EFNA5: variants seen among roughly 807,000 people sequenced by gnomAD.
The protein encoded by EFNA5 is ephrin A5, also known as ephrin-A5.
In EFNA5, 5 loss-of-function variants were observed where a neutral mutation model predicts 22.9. The observed-to-expected ratio is 0.22, with a 90% CI of 0.11 to 0.46. The LOEUF is 0.46. Among genes scored for constraint, EFNA5 ranks in the 20% least tolerant of loss-of-function variants. The probability of loss-of-function intolerance (pLI) is 0.99; values close to 1 mark genes in which losing one functional copy is unlikely to be tolerated. For missense variants in EFNA5, 237 were observed against 293.3 expected, an observed-to-expected ratio of 0.81 and a Z score of 1.40; for synonymous variants, 113 against 112.2, an observed-to-expected ratio of 1.01 and a Z score of -0.04.
chr5:107,529,560 A>G (rs1747766920), intron 1 of EFNA5, among the ~76,000 whole-genome samples: 1 of 152,210 alleles, frequency 6.6e-6, no homozygotes, highest in African/African-American at 2.4e-5. Flanking sequence ...CATGGAGGCA[A>G]CAGATGGATT....
At chr5:107,647,841 C>T (rs1008071756) in intron 1 of EFNA5, among the ~76,000 whole-genome samples, 2 of 152,178 alleles carry the variant, frequency 1.3e-5, no homozygotes, top group East Asian at 1.9e-4. Flanking sequence ...GTCCAATTTA[C>T]CCATGAAACT....
rs780608946 is a variant in EFNA5 at position 107,427,364 on chromosome 5, C to T, written c.271G>A (p.Asp91Asn). Reference protein sequence around the residue: ...MVNFDGYSACDHTSKGFKRWE... With the variant: ...MVNFDGYSACNHTSKGFKRWE... ...CTCTTGAACCCTTTGGAAGTGTGGT[C>T]GCAGGCACTGTAGCCATCAAAGTTC... Residue 91 changes from aspartate to asparagine, a missense_variant, in exon 2 of 5, where the codon GAC (aspartate) becomes AAC (asparagine). By Grantham distance (23) the Asp-to-Asn change is conservative (BLOSUM62 1). Coordinates refer to ENST00000333274, the MANE Select transcript of EFNA5 (RefSeq NM_001962.3). 8 of 1,614,002 alleles carry T rather than the reference C, an allele frequency of 5.0e-6. No homozygotes were observed. Among genetic ancestry groups the T allele is most frequent in the South Asian group, 1.1e-5 (1 of 91,076 alleles).
At chr5:107,498,649 G>C (rs1580496483) in intron 1 of EFNA5, among the ~76,000 whole-genome samples, 1 of 152,174 alleles carries the variant, frequency 6.6e-6, no homozygotes, top group Non-Finnish European at 1.5e-5. Context: ...TCAGAATTTT[G>C]AGACAGTGAC....
At chr5:107,516,970 G>T (rs995000386) in intron 1 of EFNA5, among the ~76,000 whole-genome samples, 1 of 152,022 alleles carries the variant, frequency 6.6e-6, no homozygotes, top group African/African-American at 2.4e-5. Context: ...TAGATGACAG[G>T]CTATCTAGGG....
At chr5:107,455,760 G>T (rs1749683981) in intron 1 of EFNA5, among the ~76,000 whole-genome samples, 1 of 152,150 alleles carries the variant, frequency 6.6e-6, no homozygotes, top group African/African-American at 2.4e-5. Context: ...TGCTCTTAAA[G>T]TTTATTGTTG....
intron 1 of EFNA5, among the ~76,000 whole-genome samples, chr5:107,485,895 AG>A (rs1284597812): frequency 1.3e-5 from 2 of 152,130 alleles, no homozygotes; most frequent in African/African-American, 4.8e-5. Flanking sequence ...TATTTTCAAC[AG>A]GGGATGACAA....
At chr5:107,395,501 T>G (rs903385727) in intron 2 of EFNA5, among the ~76,000 whole-genome samples, 1 of 152,234 alleles carries the variant, frequency 6.6e-6, no homozygotes, top group African/African-American at 2.4e-5. Flanking sequence ...TCTAAGAAAT[T>G]TCTTAACATG....
chr5:107,390,060 G>A (rs376682515), intron 2 of EFNA5, among the ~76,000 whole-genome samples: 1 of 152,136 alleles, frequency 6.6e-6, no homozygotes, highest in Non-Finnish European at 1.5e-5. Context: ...CTGCATCACT[G>A]GCCTGAGCTC....
intron 1 of EFNA5, among the ~76,000 whole-genome samples, chr5:107,580,730 AAAAAAAAAAAGAAAAG>A (rs1286621374): frequency 1.3e-5 from 2 of 148,736 alleles, no homozygotes; most frequent in African/African-American, 5.0e-5. Context: ...TCAAAAAAAA[AAAAAAAAAAAGAAAAG>A]AAAAGAAAAG....
chr5:107,378,162 CTAA>C lies in EFNA5; in HGVS notation c.*3090_*3092del, dbSNP rs1474967266. On this transcript the variant is annotated 3_prime_UTR_variant, in exon 5 of 5. Coordinates refer to ENST00000333274, the MANE Select transcript of EFNA5 (RefSeq NM_001962.3). The stretch of plus-strand genomic sequence containing the variant: ...CAAACACTATGTACAACAGAGGTTG[CTAA>C]TAATACAGAATTTAAAGAACGCAGT... 4.0e-5 allele frequency: 6 copies of C among 150,020 alleles called. No homozygotes were observed. The highest frequency in any genetic ancestry group is 8.9e-5 in the Non-Finnish European group (6 of 67,680). 9.3% of individuals were successfully genotyped at this position (150,020 alleles called of 1,614,324 possible). A position where few individuals can be genotyped will look rare whatever the true frequency, so the allele number is the denominator to read the frequency against.
chr5:107,579,611 G>T (rs1483833675), intron 1 of EFNA5, among the ~76,000 whole-genome samples: 1 of 143,824 alleles, frequency 7.0e-6, no homozygotes, highest in East Asian at 1.9e-4. Context: ...AAAAGCCACA[G>T]TTAATAGTAT....
intron 2 of EFNA5, among the ~76,000 whole-genome samples, chr5:107,418,320 C>T (rs936491950): frequency 6.6e-6 from 1 of 152,228 alleles, no homozygotes; most frequent in Non-Finnish European, 1.5e-5. Context: ...GCTCATTAAA[C>T]TGTTTCAGTT....
chr5:107,578,561 T>C (rs1467223422), intron 1 of EFNA5, among the ~76,000 whole-genome samples: 2 of 151,782 alleles, frequency 1.3e-5, no homozygotes, highest in Non-Finnish European at 2.9e-5. Flanking sequence ...CTAAAAATTG[T>C]AATATATGTA....
Position 107,483,675 on chromosome 5 carries a change from A to G in EFNA5, c.126-56166T>C, listed in dbSNP as rs368156400. Reference sequence around the variant, plus strand: ...AAGATACTTAACTTACAAAAGTTTTATCTTAAAATACTGCTCACAAGTATG... The same window carrying G: ...AAGATACTTAACTTACAAAAGTTTTGTCTTAAAATACTGCTCACAAGTATG... On this transcript the variant is annotated intron_variant, in intron 1 of 4. Coordinates refer to ENST00000333274, the MANE Select transcript of EFNA5 (RefSeq NM_001962.3). Among the ~76,000 whole-genome samples, 9 of 152,372 alleles carry G rather than the reference A, an allele frequency of 5.9e-5. No individual in the cohort carries two copies. The East Asian group carries it at 1.2e-3, about 20-fold the overall frequency.
intron 1 of EFNA5, among the ~76,000 whole-genome samples, chr5:107,599,000 A>G (rs1749532578): frequency 6.6e-6 from 1 of 152,192 alleles, no homozygotes; most frequent in South Asian, 2.1e-4. Flanking sequence ...CCTACAGTTC[A>G]AAGCATGGCT....
At chr5:107,655,162 T>C (rs1185765879) in intron 1 of EFNA5, among the ~76,000 whole-genome samples, 3 of 152,078 alleles carry the variant, frequency 2.0e-5, no homozygotes, top group Non-Finnish European at 4.4e-5. Flanking sequence ...TGACTACCCT[T>C]TTGCCAAGAA....
rs937962501 is a variant in EFNA5 at position 107,379,932 on chromosome 5, T to C, written c.*1323A>G. Reference sequence around the variant, plus strand: ...TTAAAAAAATATTTTGTTAAAGTCTTTGGGACTCCATCTTGTTTATCTCCC... The same window carrying C: ...TTAAAAAAATATTTTGTTAAAGTCTCTGGGACTCCATCTTGTTTATCTCCC... On this transcript the variant is annotated 3_prime_UTR_variant, in exon 5 of 5. Transcript: ENST00000333274. The C allele has an allele frequency of 6.6e-6, 1 of 152,216 alleles. No individual in the cohort carries two copies. Among genetic ancestry groups the C allele is most frequent in the African/African-American group, 2.4e-5 (1 of 41,458 alleles). The allele number at this position is 152,216 out of a possible 1,614,324, so 9.4% of individuals were successfully genotyped here.
chr5:107,666,186 T>C (rs537584768), intron 1 of EFNA5, among the ~76,000 whole-genome samples: 20 of 152,162 alleles, frequency 1.3e-4, no homozygotes, highest in Non-Finnish European at 2.2e-4. Flanking sequence ...GCTGATTTCA[T>C]TTACTTGTCA....
chr5:107,428,429 AAAC>A (rs1378360495), intron 1 of EFNA5, among the ~76,000 whole-genome samples: 1 of 152,194 alleles, frequency 6.6e-6, no homozygotes, highest in Non-Finnish European at 1.5e-5. Flanking sequence ...CTCCCACCAC[AAAC>A]ACCACACTGT....
Sources: allele counts gnomAD v4.1 joint callset (sites outside exome capture counted in the v4.1 genomes callset), GRCh38; gene constraint gnomAD v4.1.1; transcripts MANE v1.5; gene names NCBI Gene and HGNC (gene_info 2026-07-23, HGNC 2026-07-21).